The following NRG1 variants were observed in gnomAD, a reference collection of about 807,000 sequenced individuals.
The protein encoded by NRG1 is pro-neuregulin-1, membrane-bound isoform.
Under a neutral mutation model 63.8 loss-of-function variants are expected in NRG1, and 18 were observed. The observed-to-expected ratio is 0.28, with a 90% confidence interval of 0.19 to 0.42. The LOEUF is 0.42. NRG1 is among the 10% of genes least tolerant of loss of function. The pLI is 1.00. For synonymous variants in NRG1, 302 were observed against 301.3 expected, an observed-to-expected ratio of 1.00 and a Z score of -0.02; for missense variants, 762 against 814.7, an observed-to-expected ratio of 0.94 and a Z score of 0.79.
chr8:31,843,625 G>A (rs552159533), intron 1 of NRG1, among the ~76,000 whole-genome samples: 13 of 152,216 alleles, frequency 8.5e-5, no homozygotes, highest in Non-Finnish European at 1.3e-4. Flanking sequence ...TTTCATTGAC[G>A]TGATTCAGAT....
At chr8:32,704,663 A>C (rs1815876707) in intron 5 of NRG1, among the ~76,000 whole-genome samples, 1 of 152,252 alleles carries the variant, frequency 6.6e-6, no homozygotes, top group Admixed American at 6.5e-5. Flanking sequence ...ACTTCTGTGC[A>C]ATAAATCTCA....
chr8:32,043,426 A>G (rs192846464), intron 1 of NRG1, among the ~76,000 whole-genome samples: 1 of 152,156 alleles, frequency 6.6e-6, no homozygotes. Context: ...ACAAAAACCC[A>G]AAGATACCCT....
At chr8:31,901,180 C>G (rs1391198741) in intron 1 of NRG1, among the ~76,000 whole-genome samples, 2 of 152,050 alleles carry the variant, frequency 1.3e-5, no homozygotes, top group Non-Finnish European at 2.9e-5. Context: ...TGTAAAAGAA[C>G]TAGGAATGGA....
chr8:31,871,755 T>C (rs866655782), intron 1 of NRG1, among the ~76,000 whole-genome samples: 1 of 152,144 alleles, frequency 6.6e-6, no homozygotes, highest in African/African-American at 2.4e-5. Flanking sequence ...TTCCTCCTTT[T>C]AAAAAATACC....
rs141982458 is a variant in NRG1 at position 32,183,992 on chromosome 8, G to A, written c.38-411836G>A. ...AAGTCATTATTTTCTTACACAACTA[G>A]GGTATATAGTTTAGAATGTGATAGA... On this transcript the variant is annotated intron_variant, in intron 1 of 10. Transcript: ENST00000519301. Among the ~76,000 whole-genome samples the A allele has an allele frequency of 3.1e-3, 471 of 152,192 alleles. 2 individuals carry two copies. Among genetic ancestry groups the A allele is most frequent in the African/African-American group, 0.011 (449 of 41,516 alleles).
At chr8:31,843,695 T>G (rs938266718) in intron 1 of NRG1, among the ~76,000 whole-genome samples, 1 of 152,222 alleles carries the variant, frequency 6.6e-6, no homozygotes, top group Non-Finnish European at 1.5e-5. Flanking sequence ...TTAAGCCTTT[T>G]AATACGAATC....
At chr8:31,691,517 C>T (rs1397741869) in intron 1 of NRG1, among the ~76,000 whole-genome samples, 1 of 134,252 alleles carries the variant, frequency 7.4e-6, no homozygotes, top group Non-Finnish European at 1.6e-5. Flanking sequence ...ACGGCATGAA[C>T]CCGGGAGGCG....
chr8:31,936,872 G>C (rs182837664), intron 1 of NRG1, among the ~76,000 whole-genome samples: 1 of 152,244 alleles, frequency 6.6e-6, no homozygotes, highest in East Asian at 1.9e-4. Context: ...TGGTGCAATT[G>C]CTCTTATAGC....
intron 1 of NRG1, among the ~76,000 whole-genome samples, chr8:32,296,349 G>T (rs564176444): frequency 2.4e-4 from 37 of 152,250 alleles, no homozygotes; most frequent in Admixed American, 1.3e-3. Context: ...CAGCCCTTTG[G>T]GGGGCTGAGA....
At chr8:32,512,277 T>C (rs576277536) in intron 1 of NRG1, among the ~76,000 whole-genome samples, 2 of 152,356 alleles carry the variant, frequency 1.3e-5, no homozygotes, top group East Asian at 3.9e-4. Context: ...TCAACAATTA[T>C]GCCTACTTTT....
At chr8:31,729,698 C>T (rs1813826000) in intron 1 of NRG1, among the ~76,000 whole-genome samples, 1 of 151,932 alleles carries the variant, frequency 6.6e-6, no homozygotes, top group South Asian at 2.1e-4. Context: ...AGAATACATA[C>T]TATGTAAGAA....
At chr8:32,139,053 A>G (rs2131708169) in intron 1 of NRG1, among the ~76,000 whole-genome samples, 1 of 152,340 alleles carries the variant, frequency 6.6e-6, no homozygotes, top group South Asian at 2.1e-4. Context: ...ATAATCCTTA[A>G]TATTTTGACC....
intron 1 of NRG1, among the ~76,000 whole-genome samples, chr8:32,526,249 A>T (rs1226313440): frequency 6.6e-6 from 1 of 152,210 alleles, no homozygotes; most frequent in Non-Finnish European, 1.5e-5. Context: ...GGCAGGTTTT[A>T]GTTCCTGATG....
At chr8:31,990,297 TC>T (rs1191379844) in intron 1 of NRG1, among the ~76,000 whole-genome samples, 1 of 152,092 alleles carries the variant, frequency 6.6e-6, no homozygotes, top group Non-Finnish European at 1.5e-5. Context: ...AAATACCCAC[TC>T]TAGATTGCAA....
intron 1 of NRG1, among the ~76,000 whole-genome samples, chr8:32,541,487 G>A (rs1240821350): frequency 7.1e-6 from 1 of 140,982 alleles, no homozygotes; most frequent in African/African-American, 2.7e-5. Flanking sequence ...TCTACCAGGT[G>A]TCTCTTATGG....
intron 5 of NRG1, among the ~76,000 whole-genome samples, chr8:32,622,443 C>T (rs1848501641): frequency 1.3e-5 from 2 of 152,126 alleles, no homozygotes; most frequent in African/African-American, 4.8e-5. Context: ...CTCTCTGTCA[C>T]CCAGGCTGGA....
chr8:32,770,196 T>C (rs774897522), downstream of NRG1, among the ~76,000 whole-genome samples: 9 of 152,334 alleles, frequency 5.9e-5, no homozygotes, highest in Admixed American at 1.3e-4. Context: ...TGTATAGATT[T>C]GCTAATACAG....
chr8:32,470,292 T>G (rs1470044089), intron 1 of NRG1, among the ~76,000 whole-genome samples: 3 of 151,706 alleles, frequency 2.0e-5, no homozygotes. Context: ...GCCATTCTCC[T>G]GCCTCAGCCT....
At chr8:32,449,370 G>A (rs1820684370) in intron 1 of NRG1, among the ~76,000 whole-genome samples, 1 of 151,080 alleles carries the variant, frequency 6.6e-6, no homozygotes, top group South Asian at 2.1e-4. Flanking sequence ...TGATAGAACT[G>A]AAGTACATCA....
Sources: gnomAD v4.1 joint callset for allele counts (sites outside exome capture counted in the v4.1 genomes callset) on GRCh38, gnomAD v4.1.1 for gene constraint, MANE v1.5 for transcripts, NCBI Gene and HGNC (gene_info 2026-07-23, HGNC 2026-07-21) for gene names.